The following CPPED1 variants were observed in gnomAD, a reference collection of about 807,000 sequenced individuals.
CPPED1 encodes calcineurin like phosphoesterase domain containing 1, also known as serine/threonine-protein phosphatase CPPED1.
In CPPED1, 28 loss-of-function variants were observed where a neutral mutation model predicts 28.0. The ratio of observed to expected loss-of-function variants is 1.00; its 90% CI spans 0.74 to 1.37. CPPED1 has a LOEUF of 1.37. Among genes scored for constraint, CPPED1 ranks in the 40% most tolerant of loss-of-function variants. The pLI, the probability that CPPED1 is intolerant of heterozygous loss-of-function variation, is 0.00. For synonymous variants in CPPED1, 198 were observed against 180.2 expected, an observed-to-expected ratio of 1.10 and a Z score of -0.79; for missense variants, 504 against 416.5, an observed-to-expected ratio of 1.21 and a Z score of -1.83.
intron 3 of CPPED1, among the ~76,000 whole-genome samples, chr16:12,690,792 A>C (rs2079958480): frequency 6.6e-6 from 1 of 152,160 alleles, no homozygotes; most frequent in Admixed American, 6.5e-5. Context: ...GTTGAGGCCA[A>C]AGGGGAATTC....
chr16:12,682,578 T>C lies in CPPED1; in HGVS notation c.716-17463A>G, dbSNP rs1314164580. Among the ~76,000 whole-genome samples, 1 of 152,110 alleles carries C rather than the reference T, an allele frequency of 6.6e-6. No individual in the cohort carries two copies. The highest frequency in any genetic ancestry group is 6.5e-5 in the Admixed American group (1 of 15,272). On this transcript the variant is annotated intron_variant, in intron 3 of 3. Transcript: ENST00000381774. The surrounding 1 kb of genome is among the most constrained non-coding windows in gnomAD (Gnocchi z 6.1). ...TAGGTGTGGCATGGGCAGCAACATA[T>C]CTGAACTCCTCATTTGGAAGGCAAG... is the stretch of plus-strand genomic sequence containing the variant.
Position 12,803,802 on chromosome 16 carries a change from T to C in CPPED1, c.-26A>G. ...GGCGAGCGAGTTTCTGGCCTTCACT[T>C]AGAACACTGCGTGGGTGGAAGCCGC... On this transcript the variant is annotated 5_prime_UTR_variant, in exon 1 of 4. Coordinates refer to ENST00000381774, the MANE Select transcript of CPPED1 (RefSeq NM_018340.3). 1.3e-6 allele frequency: 2 copies of C among 1,590,814 alleles called. No homozygotes were observed. Among genetic ancestry groups the C allele is most frequent in the Middle Eastern group, 1.7e-4 (1 of 5,998 alleles).
chr16:12,664,733 G>C lies in CPPED1; in HGVS notation c.*153C>G, dbSNP rs1345253808. 2.0e-6 allele frequency: 3 copies of C among 1,482,442 alleles called. No individual in the cohort carries two copies. Among genetic ancestry groups the C allele is most frequent in the Non-Finnish European group, 8.9e-7 (1 of 1,129,302 alleles). The allele number at this position is 1,482,442 out of a possible 1,614,324, so 91.8% of individuals were successfully genotyped here. ...TCTATTTTGAATATAATTCAGGACA[G>C]GGCCCCAGCTCTCTGATTTATGCAA... On this transcript the variant is annotated 3_prime_UTR_variant, in exon 4 of 4. Coordinates refer to ENST00000381774, the MANE Select transcript of CPPED1 (RefSeq NM_018340.3). This position sits in a 1 kb window ranked among gnomAD's most constrained non-coding sequence, Gnocchi z 4.2.
intron 1 of CPPED1, among the ~76,000 whole-genome samples, chr16:12,798,502 A>AT (rs1328670241): frequency 2.0e-5 from 3 of 152,278 alleles, no homozygotes; most frequent in African/African-American, 4.8e-5. Context: ...AGAGTGAGTT[A>AT]TTTTTTTACT....
chr16:12,681,252 G>A (rs1037450236), intron 3 of CPPED1, among the ~76,000 whole-genome samples: 11 of 151,920 alleles, frequency 7.2e-5, no homozygotes, highest in African/African-American at 1.9e-4. Flanking sequence ...ATTAGGTCAC[G>A]GGGGCTCTGC....
intron 3 of CPPED1, among the ~76,000 whole-genome samples, chr16:12,690,184 G>A (rs906144988): frequency 6.6e-6 from 1 of 152,046 alleles, no homozygotes; most frequent in African/African-American, 2.4e-5. Flanking sequence ...AGTCTGCGGG[G>A]GTGGGTACAG....
chr16:12,699,189 A>T (rs957455225), intron 3 of CPPED1, among the ~76,000 whole-genome samples: 5 of 152,206 alleles, frequency 3.3e-5, no homozygotes, highest in Non-Finnish European at 7.4e-5. Flanking sequence ...CAATTTCTAC[A>T]TCCCTTGGAT....
At chr16:12,755,470 T>A (rs1018828919) in intron 2 of CPPED1, among the ~76,000 whole-genome samples, 1 of 151,842 alleles carries the variant, frequency 6.6e-6, no homozygotes, top group South Asian at 2.1e-4. Flanking sequence ...TTTGTAGAGA[T>A]GGGGTCTCAC....
At chr16:12,672,771 T>G (rs1005010716) in intron 3 of CPPED1, among the ~76,000 whole-genome samples, 1 of 152,138 alleles carries the variant, frequency 6.6e-6, no homozygotes. Flanking sequence ...CCCAGCACTT[T>G]TGGAGGCCGA....
At chr16:12,727,648 C>A (rs763141621) in intron 2 of CPPED1, among the ~76,000 whole-genome samples, 1 of 152,124 alleles carries the variant, frequency 6.6e-6, no homozygotes, top group Non-Finnish European at 1.5e-5. Flanking sequence ...CATGCCTGAC[C>A]GAAAGCCATC....
intron 2 of CPPED1, among the ~76,000 whole-genome samples, chr16:12,723,534 C>T (rs1037196027): frequency 1.3e-5 from 2 of 152,148 alleles, no homozygotes; most frequent in Admixed American, 6.5e-5. Context: ...AGGGAGAAGT[C>T]GGCCATCTGC....
intron 2 of CPPED1, among the ~76,000 whole-genome samples, chr16:12,736,489 T>C (rs973359322): frequency 1.3e-5 from 2 of 152,146 alleles, no homozygotes; most frequent in Non-Finnish European, 2.9e-5. Context: ...TCTACCTGCC[T>C]CGGCCTCCCA....
Position 12,704,988 on chromosome 16 carries a change from C to G in CPPED1, c.351G>C (p.Arg117Ser). ...DLKRVLRAVD[R>S]AIPLVLVSGN... ...CGCTGACAAGGACCAGTGGGATGGC[C>G]CTGTCCACTGCCCTAAGCACTCGCT... The change falls in exon 3 of 4, where the codon AGG becomes AGC. Residue 117 changes from arginine (R) to serine (S), a missense_variant. Physicochemically the swap from Arg to Ser is moderately radical, Grantham distance 110. Coordinates refer to ENST00000381774, the MANE Select transcript of CPPED1 (RefSeq NM_018340.3). The G allele has an allele frequency of 6.2e-7, 1 of 1,614,224 alleles. No individual in the cohort carries two copies. Among genetic ancestry groups the G allele is most frequent in the Admixed American group, 1.7e-5 (1 of 60,026 alleles).
chr16:12,679,466 C>A (rs1217455031), intron 3 of CPPED1, among the ~76,000 whole-genome samples: 1 of 151,972 alleles, frequency 6.6e-6, no homozygotes. Flanking sequence ...TTCTTGAAAT[C>A]CCTATTCCTG....
chr16:12,674,355 G>C (rs778967684), intron 3 of CPPED1, among the ~76,000 whole-genome samples: 5 of 152,180 alleles, frequency 3.3e-5, no homozygotes, highest in Non-Finnish European at 5.9e-5. Context: ...TCTGAAACGA[G>C]GAATGAGATG....
Position 12,705,096 on chromosome 16 carries a change from C to T in CPPED1, c.290-47G>A, listed in dbSNP as rs753323451. The T allele has an allele frequency of 5.9e-6, 9 of 1,514,750 alleles. No homozygotes were observed. In the East Asian group the frequency reaches 1.8e-4, roughly 31 times the overall value. 93.8% of individuals were successfully genotyped at this position (1,514,750 alleles called of 1,614,324 possible). A position where few individuals can be genotyped will look rare whatever the true frequency, so the allele number is the denominator to read the frequency against. ...CCTGAGAAAGCCAGGGGCTTATTCACTTGAAATAACTAACTTAAGTACTTA... is the reference window on the plus strand; with the variant it reads ...CCTGAGAAAGCCAGGGGCTTATTCATTTGAAATAACTAACTTAAGTACTTA... On this transcript the variant is annotated intron_variant, in intron 2 of 3. Transcript: ENST00000381774.
chr16:12,773,317 G>C (rs781217097), intron 2 of CPPED1, among the ~76,000 whole-genome samples: 1 of 152,170 alleles, frequency 6.6e-6, no homozygotes, highest in Non-Finnish European at 1.5e-5. Flanking sequence ...TTTAAATGCT[G>C]AGCATGTGTA....
intron 3 of CPPED1, among the ~76,000 whole-genome samples, chr16:12,698,212 T>C (rs1451029387): frequency 2.6e-5 from 4 of 152,166 alleles, no homozygotes; most frequent in African/African-American, 4.8e-5. Context: ...TTCAATTCCA[T>C]TGACCACTAT....
chr16:12,732,822 G>T (rs984843625), intron 2 of CPPED1, among the ~76,000 whole-genome samples: 1 of 152,132 alleles, frequency 6.6e-6, no homozygotes, highest in African/African-American at 2.4e-5. Flanking sequence ...ATGTGAGGGT[G>T]GAATGAAGAC....
Sources: allele counts gnomAD v4.1 joint callset (sites outside exome capture counted in the v4.1 genomes callset), GRCh38; gene constraint gnomAD v4.1.1; non-coding constraint Gnocchi (gnomAD v3.1); transcripts MANE v1.5; gene names NCBI Gene and HGNC (gene_info 2026-07-23, HGNC 2026-07-21).